EPHA5: variants seen among roughly 807,000 people sequenced by gnomAD.
EPHA5 encodes EPH receptor A5, also known as ephrin type-A receptor 5.
A neutral mutation model predicts 105.0 loss-of-function variants in EPHA5; 60 were observed. That is an observed-to-expected ratio of 0.57 (90% CI 0.46 to 0.71). The LOEUF is 0.71. EPHA5 is among the 30% of genes least tolerant of loss of function. EPHA5 has a pLI of 0.00. For missense variants in EPHA5, 1,218 were observed against 1,274.7 expected, an observed-to-expected ratio of 0.96 and a Z score of 0.68; for synonymous variants, 513 against 449.1, an observed-to-expected ratio of 1.14 and a Z score of -1.80.
chr4:65,618,892 C>A (rs1028850435), intron 2 of EPHA5, among the ~76,000 whole-genome samples: 2 of 152,168 alleles, frequency 1.3e-5, no homozygotes, highest in East Asian at 1.9e-4. Flanking sequence ...CGGTGGCTCA[C>A]GCCTGTAATC....
At chr4:65,501,623 A>G (rs926721114) in intron 3 of EPHA5, among the ~76,000 whole-genome samples, 3 of 151,788 alleles carry the variant, frequency 2.0e-5, no homozygotes, top group Non-Finnish European at 4.4e-5. Flanking sequence ...ACAAATGGAA[A>G]AACATTCCAT....
chr4:65,356,876 C>T (rs368530428), intron 11 of EPHA5, among the ~76,000 whole-genome samples: 3 of 151,536 alleles, frequency 2.0e-5, no homozygotes, highest in East Asian at 1.9e-4. Flanking sequence ...TACTCTAACC[C>T]TTGTAAATTC....
At chr4:65,413,759 G>GA (rs1165063719) in intron 7 of EPHA5, among the ~76,000 whole-genome samples, 1 of 152,018 alleles carries the variant, frequency 6.6e-6, no homozygotes, top group African/African-American at 2.4e-5. Flanking sequence ...TATTTTTATA[G>GA]AGAAAAAAGT....
intron 8 of EPHA5, among the ~76,000 whole-genome samples, chr4:65,385,095 C>A (rs1050249667): frequency 5.3e-5 from 8 of 151,592 alleles, no homozygotes; most frequent in African/African-American, 1.9e-4. Flanking sequence ...AATAAAGTTG[C>A]AAATAAGTGA....
At chr4:65,607,251 T>C (rs921834544) in intron 2 of EPHA5, among the ~76,000 whole-genome samples, 1 of 152,016 alleles carries the variant, frequency 6.6e-6, no homozygotes, top group Non-Finnish European at 1.5e-5. Context: ...GGCAATACCA[T>C]TCAGGACATA....
At chr4:65,472,744 TGGC>T (rs1440278734) in intron 5 of EPHA5, among the ~76,000 whole-genome samples, 1 of 152,030 alleles carries the variant, frequency 6.6e-6, no homozygotes, top group Non-Finnish European at 1.5e-5. Context: ...CCACAAAACC[TGGC>T]CCACAAAACC....
At chr4:65,424,704 TCC>T (rs1724257126) in intron 5 of EPHA5, among the ~76,000 whole-genome samples, 1 of 152,094 alleles carries the variant, frequency 6.6e-6, no homozygotes, top group Non-Finnish European at 1.5e-5. Context: ...CTCGATGAGA[TCC>T]AAAGGCAAAG....
chr4:65,517,790 G>C (rs906473604), intron 3 of EPHA5, among the ~76,000 whole-genome samples: 1 of 151,668 alleles, frequency 6.6e-6, no homozygotes, highest in African/African-American at 2.4e-5. Context: ...TTTTGTATTA[G>C]CAATGATACA....
intron 3 of EPHA5, 97 bp from the exon 4 acceptor site, chr4:65,495,640 C>A (rs1731855858): frequency 2.1e-6 from 2 of 942,122 alleles, no homozygotes; most frequent in African/African-American, 1.7e-5. Context: ...ATGCAGATTA[C>A]AGATAACACA....
At chr4:65,506,831 C>G (rs1026278267) in intron 3 of EPHA5, among the ~76,000 whole-genome samples, 24 of 151,038 alleles carry the variant, frequency 1.6e-4, no homozygotes, top group Non-Finnish European at 1.6e-4. Flanking sequence ...TGCCTGTTCA[C>G]TCTGTCTGCT....
chr4:65,444,476 T>A (rs1726324596), intron 5 of EPHA5, among the ~76,000 whole-genome samples: 1 of 152,148 alleles, frequency 6.6e-6, no homozygotes, highest in African/African-American at 2.4e-5. Flanking sequence ...AGTACACTGA[T>A]AGAAGAATTT....
chr4:65,326,801 G>T (rs929301934), intron 16 of EPHA5, among the ~76,000 whole-genome samples: 1 of 151,208 alleles, frequency 6.6e-6, no homozygotes, highest in African/African-American at 2.4e-5. Context: ...TGCTTAAATT[G>T]CATAATTCAT....
At chr4:65,400,213 AG>A (rs1204271624) in intron 8 of EPHA5, among the ~76,000 whole-genome samples, 1 of 152,212 alleles carries the variant, frequency 6.6e-6, no homozygotes, top group Non-Finnish European at 1.5e-5. Context: ...TTAGGACAAA[AG>A]AAAGTTATCA....
intron 2 of EPHA5, among the ~76,000 whole-genome samples, chr4:65,622,533 T>C (rs575648262): frequency 5.3e-5 from 8 of 152,278 alleles, no homozygotes; most frequent in African/African-American, 1.9e-4. Context: ...ACTAATTCTT[T>C]AAAAACTGAA....
intron 5 of EPHA5, among the ~76,000 whole-genome samples, chr4:65,443,082 G>T (rs541789341): frequency 6.6e-6 from 1 of 152,208 alleles, no homozygotes; most frequent in Admixed American, 6.6e-5. Flanking sequence ...TTGGAGACTT[G>T]CCTTTTAGAA....
chr4:65,466,662 A>G (rs551007471), intron 5 of EPHA5, among the ~76,000 whole-genome samples: 33 of 152,306 alleles, frequency 2.2e-4, no homozygotes, highest in African/African-American at 7.7e-4. Flanking sequence ...CTACTGAATT[A>G]CAGCTATATT....
rs138899049 is a variant in EPHA5, at chr4:65,535,499, T to C, written c.911-39956A>G. 3.2e-3 allele frequency among the ~76,000 whole-genome samples: 488 copies of C among 152,296 alleles called. 6 individuals carry two copies. The highest frequency in any genetic ancestry group is 0.026 in the South Asian group (126 of 4,832). On this transcript the variant is annotated intron_variant, in intron 3 of 16. Transcript: ENST00000613740. Reference sequence around the variant, plus strand: ...CAGATAAATTCACTTTTTCATCTTATCTATATAGAACATATATATTCATCC... The same window carrying C: ...CAGATAAATTCACTTTTTCATCTTACCTATATAGAACATATATATTCATCC...
intron 1 of EPHA5, among the ~76,000 whole-genome samples, chr4:65,664,832 T>C (rs768956112): frequency 6.6e-6 from 1 of 151,836 alleles, no homozygotes; most frequent in Non-Finnish European, 1.5e-5. Context: ...AAAAGAAAAA[T>C]GCAAATACTA....
At chr4:65,409,405 T>C (rs1722708527) in intron 7 of EPHA5, among the ~76,000 whole-genome samples, 1 of 151,024 alleles carries the variant, frequency 6.6e-6, no homozygotes, top group Non-Finnish European at 1.5e-5. Flanking sequence ...AAGGTAATAT[T>C]CTTTAGTAAA....
Sources: gnomAD v4.1 joint callset for allele counts (sites outside exome capture counted in the v4.1 genomes callset) on GRCh38, gnomAD v4.1.1 for gene constraint, MANE v1.5 for transcripts, NCBI Gene and HGNC (gene_info 2026-07-23, HGNC 2026-07-21) for gene names.